The following TNRC6C variants were observed in gnomAD, a reference collection of about 807,000 sequenced individuals.
The protein encoded by TNRC6C is trinucleotide repeat containing adaptor 6C, also known as trinucleotide repeat-containing gene 6C protein.
Under a neutral mutation model 153.7 loss-of-function variants are expected in TNRC6C, and 20 were observed. The observed-to-expected ratio is 0.13, with a 90% CI of 0.09 to 0.19. TNRC6C has a LOEUF of 0.19. Among genes scored for constraint, TNRC6C ranks in the 10% least tolerant of loss-of-function variants. TNRC6C has a pLI of 1.00. For missense variants in TNRC6C, 1,987 were observed against 2,172.0 expected, an observed-to-expected ratio of 0.91 and a Z score of 1.69; for synonymous variants, 811 against 841.4, an observed-to-expected ratio of 0.96 and a Z score of 0.63.
At chr17:78,091,303 G>A (rs2073388744) in intron 13 of TNRC6C, 137 bp from the exon 16 acceptor site, 7 of 982,912 alleles carry the variant, frequency 7.1e-6, no homozygotes, top group Non-Finnish European at 9.5e-6. Context: ...TCCAGCCTGG[G>A]CATCAAGAGC....
At chr17:77,960,472 A>C (rs1286897754) in intron 1 of TNRC6C, among the ~76,000 whole-genome samples, 2 of 152,202 alleles carry the variant, frequency 1.3e-5, no homozygotes, top group Admixed American at 6.5e-5. Flanking sequence ...TACTTTATGC[A>C]AGTGATTTCC....
intron 1 of TNRC6C, among the ~76,000 whole-genome samples, chr17:77,973,904 T>A (rs1333678662): frequency 6.6e-6 from 1 of 152,186 alleles, no homozygotes; most frequent in Non-Finnish European, 1.5e-5. Flanking sequence ...AATCTGGCAC[T>A]CTACCTAGAT....
chr17:78,015,103 ACT>A (rs1220293619), intron 1 of TNRC6C, among the ~76,000 whole-genome samples: 1 of 152,132 alleles, frequency 6.6e-6, no homozygotes, highest in African/African-American at 2.4e-5. Context: ...ATGTTAAGAA[ACT>A]CTGAATCTTT....
chr17:78,044,519 T>C (rs2072367327), intron 2 of TNRC6C, among the ~76,000 whole-genome samples: 1 of 152,250 alleles, frequency 6.6e-6, no homozygotes, highest in Non-Finnish European at 1.5e-5. Flanking sequence ...CACTAGAATG[T>C]GTGCTCCATG....
intron 1 of TNRC6C, among the ~76,000 whole-genome samples, chr17:77,969,196 G>T (rs750200267): frequency 6.6e-6 from 1 of 152,076 alleles, no homozygotes; most frequent in Non-Finnish European, 1.5e-5. Context: ...GCTCCTCACC[G>T]CTCTATTGCA....
chr17:78,054,849 CTACTG>C (rs1251756118), intron 3 of TNRC6C, among the ~76,000 whole-genome samples: 1 of 152,154 alleles, frequency 6.6e-6, no homozygotes, highest in Non-Finnish European at 1.5e-5. Context: ...CCACTGCAGA[CTACTG>C]TACACTACCA....
intron 1 of TNRC6C, among the ~76,000 whole-genome samples, chr17:78,006,496 TTCTTCTTCTTCTTC>T (rs1567910761): frequency 0.019 from 146 of 7,540 alleles, 3 homozygotes; most frequent in African/African-American, 0.032. Context: ...TTCTTCTTTC[TTCTTCTTCTTCTTC>T]TTCTTCTTCT....
At chr17:78,051,908 T>G (rs1271186783) in intron 3 of TNRC6C, among the ~76,000 whole-genome samples, 1 of 152,192 alleles carries the variant, frequency 6.6e-6, no homozygotes, top group Non-Finnish European at 1.5e-5. Context: ...AAGTGTCCAG[T>G]GAGGACAATA....
rs146017016 is a variant in TNRC6C, at chr17:78,050,531, G to T, written c.1469G>T (p.Gly490Val). 47 of 1,613,754 alleles carry T rather than the reference G, an allele frequency of 2.9e-5. No homozygotes were observed. The highest frequency in any genetic ancestry group is 2.1e-4 in the African/African-American group (16 of 74,930). The stretch of plus-strand genomic sequence containing the variant: ...GCAGCTACTCAGGCTTCAAACTCAG[G>T]GGGGAAGAACGATGGGTCCATCATG... The change falls in exon 3 of 20, where the codon GGG becomes GTG. Residue 490 changes from glycine to valine, a missense_variant. By Grantham distance (109) the Gly-to-Val change is moderately radical. This residue lies in a region of TNRC6C where 1,052 missense variants were observed against 1,017.0 expected (regional missense o/e 1.03). Coordinates refer to ENST00000301624, the Ensembl canonical transcript of TNRC6C.
intron 1 of TNRC6C, among the ~76,000 whole-genome samples, chr17:77,990,008 G>T (rs939637272): frequency 6.6e-6 from 1 of 152,128 alleles, no homozygotes; most frequent in African/African-American, 2.4e-5. Context: ...AATGTTTCAA[G>T]CATCTCAAAC....
At chr17:77,969,068 A>C (rs1049417670) in intron 1 of TNRC6C, among the ~76,000 whole-genome samples, 10 of 152,118 alleles carry the variant, frequency 6.6e-5, no homozygotes, top group African/African-American at 2.4e-4. Flanking sequence ...CAGTTTATTG[A>C]GTGCCTACCA....
At position 78,075,447 on chromosome 17, in the gene TNRC6C, G is replaced by T; in HGVS notation, c.3060+169G>T. 1 of 769,828 alleles carries T rather than the reference G, an allele frequency of 1.3e-6. No individual in the cohort carries two copies. Among genetic ancestry groups the T allele is most frequent in the Non-Finnish European group, 2.0e-6 (1 of 498,458 alleles). 47.7% of individuals were successfully genotyped at this position (769,828 alleles called of 1,614,324 possible). Reference sequence around the variant, plus strand: ...GAACATTTAACTCAAAGAAGGGAATGTCGTATTTCATAAGATGTTACTGAG... The same window carrying T: ...GAACATTTAACTCAAAGAAGGGAATTTCGTATTTCATAAGATGTTACTGAG... On this transcript the variant is annotated intron_variant, in intron 8 of 19. Transcript: ENST00000301624. This position sits in a 1 kb window ranked among gnomAD's most constrained non-coding sequence, Gnocchi z 4.2.
intron 1 of TNRC6C, among the ~76,000 whole-genome samples, chr17:77,963,674 C>T (rs958110679): frequency 1.2e-4 from 19 of 152,296 alleles, no homozygotes; most frequent in East Asian, 3.9e-4. Context: ...GATAGTTGTT[C>T]GCACTCTCCT....
intron 13 of TNRC6C, among the ~76,000 whole-genome samples, chr17:78,088,455 A>G (rs2073336149): frequency 6.6e-6 from 1 of 151,936 alleles, no homozygotes; most frequent in African/African-American, 2.4e-5. Flanking sequence ...GCAAGTCTCA[A>G]AACTCCTGGC....
At chr17:78,040,685 C>T (rs1386709031) in intron 2 of TNRC6C, among the ~76,000 whole-genome samples, 2 of 152,308 alleles carry the variant, frequency 1.3e-5, no homozygotes, top group Non-Finnish European at 1.5e-5. Flanking sequence ...CTTTCAAAAA[C>T]ACAGAAGAAA....
chr17:78,028,964 G>A (rs1053564300), intron 1 of TNRC6C, among the ~76,000 whole-genome samples: 9 of 152,128 alleles, frequency 5.9e-5, no homozygotes, highest in Admixed American at 5.2e-4. Flanking sequence ...ATTACTACTC[G>A]AATCACTGTT....
Position 78,104,975 on chromosome 17 carries a change from ACCTTGG to A in TNRC6C, c.*133_*138del. ...TACCTCTGTCCAGGACTGAAGACGA[ACCTTGG>A]CCGCAGTCCTTGCGAACTGTTCGCA... On this transcript the variant is annotated 3_prime_UTR_variant, in exon 20 of 20. Coordinates refer to ENST00000301624, the Ensembl canonical transcript of TNRC6C. This position sits in a 1 kb window ranked among gnomAD's most constrained non-coding sequence, Gnocchi z 6.2. The A allele has an allele frequency of 1.6e-6, 2 of 1,232,026 alleles. No homozygotes were observed. The highest frequency in any genetic ancestry group is 2.1e-6 in the Non-Finnish European group (2 of 961,912). The allele number at this position is 1,232,026 out of a possible 1,614,324, so 76.3% of individuals were successfully genotyped here. A position where few individuals can be genotyped will look rare whatever the true frequency, so the allele number is the denominator to read the frequency against.
intron 11 of TNRC6C, among the ~76,000 whole-genome samples, chr17:78,085,134 C>T (rs1007128378): frequency 6.6e-5 from 10 of 152,144 alleles, no homozygotes; most frequent in African/African-American, 2.2e-4. Context: ...AGAGGAAGAT[C>T]GCTTTCTGCC....
chr17:78,048,979 A>G (rs1243482664), exon 3 of TNRC6C: 27 of 1,393,840 alleles, frequency 1.9e-5, no homozygotes, highest in Non-Finnish European at 2.5e-5. Context: ...GTGGCCTTCC[A>G]TCACAGGAAC....
Sources: allele counts gnomAD v4.1 joint callset (sites outside exome capture counted in the v4.1 genomes callset), GRCh38; gene constraint gnomAD v4.1.1; regional missense constraint gnomAD v4.1.1; non-coding constraint Gnocchi (gnomAD v3.1); transcripts MANE v1.5; gene names NCBI Gene and HGNC (gene_info 2026-07-23, HGNC 2026-07-21).